The following WTAP variants were observed in gnomAD, a reference collection of about 807,000 sequenced individuals.
WTAP encodes pre-mRNA-splicing regulator WTAP.
A neutral mutation model predicts 50.0 loss-of-function variants in WTAP; 8 were observed. That is an observed-to-expected ratio of 0.16 (90% CI 0.09 to 0.29). The LOEUF is 0.29. Among genes scored for constraint, WTAP ranks in the 10% least tolerant of loss-of-function variants. WTAP has a pLI of 1.00. For missense variants in WTAP, 295 were observed against 470.7 expected, an observed-to-expected ratio of 0.63 and a Z score of 3.45; for synonymous variants, 194 against 169.0, an observed-to-expected ratio of 1.15 and a Z score of -1.15.
chr6:159,734,110 GAT>G (rs1475125618), intron 1 of WTAP, among the ~76,000 whole-genome samples: 6 of 152,310 alleles, frequency 3.9e-5, no homozygotes, highest in Admixed American at 3.9e-4. Context: ...GCTGTTGGAA[GAT>G]TATCTCCTTT....
At position 159,748,941 on chromosome 6, in the gene WTAP, T is replaced by C; in HGVS notation, c.452+572T>C. ...GGGTCAAAACTCAAATGAGGTGAAT[T>C]TTGCCTTTAAAGGGTTTATTTGCTG... is the stretch of plus-strand genomic sequence containing the variant. On this transcript the variant is annotated intron_variant, in intron 6 of 7. Transcript: ENST00000621533. The surrounding 1 kb of genome is among the most constrained non-coding windows in gnomAD (Gnocchi z 5.6). 8.9e-7 allele frequency: 1 copy of C among 1,121,682 alleles called. No homozygotes were observed. The highest frequency in any genetic ancestry group is 1.1e-6 in the Non-Finnish European group (1 of 918,426). 69.5% of individuals were successfully genotyped at this position (1,121,682 alleles called of 1,614,324 possible). A position where few individuals can be genotyped will look rare whatever the true frequency, so the allele number is the denominator to read the frequency against.
intron 6 of WTAP, chr6:159,749,457 TATG>T (rs1779744481): frequency 4.1e-6 from 4 of 980,662 alleles, no homozygotes; most frequent in African/African-American, 1.8e-5. Context: ...CAAAGAATAT[TATG>T]ATGATTTTGT....
At chr6:159,739,824 C>CTTTTTTTTTTTTTTTTTTT (rs56389349) in intron 3 of WTAP, among the ~76,000 whole-genome samples, 1 of 85,158 alleles carries the variant, frequency 1.2e-5, no homozygotes, top group Non-Finnish European at 2.2e-5. Context: ...CACTTTTTAC[C>CTTTTTTTTTTTTTTTTTTT]TTTTTTTTTT....
intron 3 of WTAP, among the ~76,000 whole-genome samples, chr6:159,739,595 G>A (rs1269187525): frequency 6.6e-6 from 1 of 152,288 alleles, no homozygotes; most frequent in East Asian, 1.9e-4. Flanking sequence ...GAAGTAGGAT[G>A]TTCTGTGTTT....
intron 5 of WTAP, among the ~76,000 whole-genome samples, chr6:159,744,106 C>G (rs976578060): frequency 6.6e-6 from 1 of 152,112 alleles, no homozygotes; most frequent in Non-Finnish European, 1.5e-5. Context: ...AACATTTGCT[C>G]TTTATTGCTT....
chr6:159,731,343 C>T (rs946565711), intron 1 of WTAP, among the ~76,000 whole-genome samples: 1 of 151,862 alleles, frequency 6.6e-6, no homozygotes, highest in African/African-American at 2.4e-5. Context: ...TGGTTCATGC[C>T]TGTGATCCCA....
At chr6:159,727,497 C>T (rs1778259266), upstream of WTAP, 1 of 993,150 alleles carries the variant, frequency 1.0e-6, no homozygotes, top group Non-Finnish European at 1.2e-6. Flanking sequence ...GGCGGCGGGG[C>T]CTGGTTTCCT....
intron 3 of WTAP, 108 bp downstream of exon 3, chr6:159,739,153 C>A: frequency 2.3e-6 from 2 of 878,894 alleles, no homozygotes; most frequent in Non-Finnish European, 3.4e-6. Context: ...TTGTTCTATC[C>A]TCAAATAATT....
chr6:159,737,741 C>T (rs1438625417), intron 2 of WTAP, among the ~76,000 whole-genome samples: 2 of 152,180 alleles, frequency 1.3e-5, no homozygotes, highest in Non-Finnish European at 2.9e-5. Flanking sequence ...ATACTCCCGC[C>T]TCAGTCTCCC....
At chr6:159,727,323 G>A, upstream of WTAP, 1 of 1,276,810 alleles carries the variant, frequency 7.8e-7, no homozygotes, top group Non-Finnish European at 1.0e-6. Flanking sequence ...CGCCTGAAAG[G>A]CGACTCTCCT....
chr6:159,755,012 A>G lies in WTAP; in HGVS notation c.608-16A>G. The stretch of plus-strand genomic sequence containing the variant: ...TATAAACGATATTAAAGTTGGTCTG[A>G]CTCTCCTTTGCACAGAACTGAATGA... On this transcript the variant is annotated splice_polypyrimidine_tract_variant and intron_variant, in intron 7 of 7. Coordinates refer to ENST00000621533, the MANE Select transcript of WTAP (RefSeq NM_001270531.2). 6.3e-7 allele frequency: 1 copy of G among 1,582,150 alleles called. No homozygotes were observed. The highest frequency in any genetic ancestry group is 1.1e-5 in the South Asian group (1 of 87,090).
In WTAP at chr6:159,755,503, C is replaced by T; in HGVS notation, c.1083C>T (p.Asp361=). ...CAAATGACACAGACTCCAGTCATGA[C>T]CCTCAAGAGGAGAAAGCAGTGAGTG... is the stretch of plus-strand genomic sequence containing the variant. ...HQSNDTDSSH[D]PQEEKAVSGK... is the part of the protein sequence containing the mutation. The change falls in exon 8 of 8, where the codon GAC becomes GAT. Residue 361 remains aspartate, a synonymous_variant. Coordinates refer to ENST00000621533, the MANE Select transcript of WTAP (RefSeq NM_001270531.2). 1 of 1,614,132 alleles carries T rather than the reference C, an allele frequency of 6.2e-7. No individual in the cohort carries two copies. Among genetic ancestry groups the T allele is most frequent in the Non-Finnish European group, 8.5e-7 (1 of 1,180,034 alleles).
intron 1 of WTAP, among the ~76,000 whole-genome samples, chr6:159,732,134 C>T (rs2842970): frequency 0.46 from 70,606 of 151,876 alleles, 18,502 homozygotes; most frequent in Non-Finnish European, 0.58. Flanking sequence ...TATTTTTGAT[C>T]CGAGTACTGT....
At chr6:159,728,347 C>G (rs187676365) in intron 1 of WTAP, among the ~76,000 whole-genome samples, 5 of 152,160 alleles carry the variant, frequency 3.3e-5, no homozygotes, top group African/African-American at 1.2e-4. Flanking sequence ...AAGAAAGTCA[C>G]TTGGTTGTTT....
chr6:159,745,383 C>T (rs898416534), intron 5 of WTAP, among the ~76,000 whole-genome samples: 2 of 152,096 alleles, frequency 1.3e-5, no homozygotes, highest in Admixed American at 6.5e-5. Flanking sequence ...CTCTTGTCTC[C>T]TCGACCTGGA....
intron 6 of WTAP, among the ~76,000 whole-genome samples, chr6:159,750,613 G>A (rs1282891332): frequency 9.9e-5 from 15 of 152,114 alleles, no homozygotes; most frequent in Admixed American, 9.8e-4. Context: ...ACACAGATGA[G>A]TTGCACCTTG....
chr6:159,726,730 A>T, upstream of WTAP: 1 of 1,269,492 alleles, frequency 7.9e-7, no homozygotes, highest in Non-Finnish European at 1.0e-6. Context: ...CCGACGCCAG[A>T]GAACAATAGC....
intron 1 of WTAP, among the ~76,000 whole-genome samples, chr6:159,735,798 G>A (rs752102655): frequency 2.0e-5 from 3 of 152,036 alleles, no homozygotes; most frequent in Non-Finnish European, 2.9e-5. Flanking sequence ...CTATTGGGCA[G>A]TAGTAAATTA....
At chr6:159,733,833 T>C (rs1778738236) in intron 1 of WTAP, among the ~76,000 whole-genome samples, 1 of 152,120 alleles carries the variant, frequency 6.6e-6, no homozygotes, top group Admixed American at 6.5e-5. Context: ...GGAGAATTGC[T>C]TGAACCCAGG....
Sources: gnomAD v4.1 joint callset for allele counts (sites outside exome capture counted in the v4.1 genomes callset) on GRCh38, gnomAD v4.1.1 for gene constraint, Gnocchi (gnomAD v3.1) non-coding constraint, MANE v1.5 for transcripts, NCBI Gene and HGNC (gene_info 2026-07-23, HGNC 2026-07-21) for gene names.